AGPAT3: variants seen among roughly 807,000 people sequenced by gnomAD.
AGPAT3 encodes 1-acyl-sn-glycerol-3-phosphate acyltransferase gamma.
A neutral mutation model predicts 47.3 loss-of-function variants in AGPAT3; 5 were observed. The observed-to-expected ratio is 0.11, with a 90% CI of 0.06 to 0.22. The LOEUF (loss-of-function observed/expected upper bound fraction) is 0.22. AGPAT3 is among the 10% of genes least tolerant of loss of function. AGPAT3 has a pLI of 1.00. For synonymous variants in AGPAT3, 212 were observed against 208.3 expected, an observed-to-expected ratio of 1.02 and a Z score of -0.15; for missense variants, 315 against 493.0, an observed-to-expected ratio of 0.64 and a Z score of 3.42.
rs887013365 is a variant in AGPAT3, at chr21:43,934,854, C to T, written c.-48-24780C>T. Among the ~76,000 whole-genome samples the T allele has an allele frequency of 6.7e-6, 1 of 149,778 alleles. No individual in the cohort carries two copies. The highest frequency in any genetic ancestry group is 1.5e-5 in the Non-Finnish European group (1 of 67,506). On this transcript the variant is annotated intron_variant, in intron 2 of 9. Coordinates refer to ENST00000291572, the MANE Select transcript of AGPAT3 (RefSeq NM_020132.5). The surrounding 1 kb of genome is among the most constrained non-coding windows in gnomAD (Gnocchi z 4.7). ...CACGTCACCGACGCCACTCACATGC[C>T]ACTCACATGCCATTGACACGCCACC...
chr21:43,870,798 G>A (rs1216343201), intron 1 of AGPAT3, among the ~76,000 whole-genome samples: 1 of 152,176 alleles, frequency 6.6e-6, no homozygotes, highest in East Asian at 1.9e-4. Context: ...AAGCTATACA[G>A]GAAAATCGTA....
At chr21:43,959,928 G>A in intron 3 of AGPAT3, 69 bp downstream of exon 3, 1 of 1,475,066 alleles carries the variant, frequency 6.8e-7, no homozygotes, top group Non-Finnish European at 9.1e-7. Context: ...CCATGCACGG[G>A]GCAGCCGTGG....
At position 43,884,871 on chromosome 21, in the gene AGPAT3, C is replaced by A. The variant is rs561956777; in HGVS notation, c.-111-19086C>A. Among the ~76,000 whole-genome samples, 15 of 152,310 alleles carry A rather than the reference C, an allele frequency of 9.8e-5. No individual in the cohort carries two copies. In the South Asian group the frequency reaches 2.9e-3, roughly 29 times the overall value. ...AGCCAGGTCAGCATATTGCAAAGCA[C>A]ACGTTGGGCTGCTGCTTGTGTAATT... On this transcript the variant is annotated intron_variant, in intron 1 of 9. Coordinates refer to ENST00000291572, the MANE Select transcript of AGPAT3 (RefSeq NM_020132.5).
intron 2 of AGPAT3, among the ~76,000 whole-genome samples, chr21:43,909,534 G>A (rs991175935): frequency 6.6e-6 from 1 of 152,196 alleles, no homozygotes; most frequent in African/African-American, 2.4e-5. Flanking sequence ...CTGACCTCGT[G>A]ATCCACCTGT....
intron 2 of AGPAT3, among the ~76,000 whole-genome samples, chr21:43,935,473 CA>C (rs2087413509): frequency 6.6e-6 from 1 of 152,234 alleles, no homozygotes; most frequent in South Asian, 2.1e-4. Context: ...ACAATGTCCC[CA>C]CAGTTTTTAC....
intron 3 of AGPAT3, chr21:43,966,572 C>T (rs1011407061): frequency 3.9e-5 from 6 of 152,270 alleles, no homozygotes; most frequent in African/African-American, 1.2e-4. Flanking sequence ...CCTGCATGTG[C>T]CTGCAGCATC....
At chr21:43,977,011 C>A (rs2089643718) in intron 7 of AGPAT3, among the ~76,000 whole-genome samples, 1 of 152,218 alleles carries the variant, frequency 6.6e-6, no homozygotes, top group Admixed American at 6.5e-5. Flanking sequence ...TGTGTACTTA[C>A]TCAAATTCCA....
At chr21:43,973,085 T>A (rs2146822268) in intron 7 of AGPAT3, among the ~76,000 whole-genome samples, 1 of 152,182 alleles carries the variant, frequency 6.6e-6, no homozygotes, top group South Asian at 2.1e-4. Context: ...CTATAGGAGG[T>A]TTCCAGGAAG....
chr21:43,880,619 T>G lies in AGPAT3; in HGVS notation c.-112+15274T>G, dbSNP rs1267077472. On this transcript the variant is annotated intron_variant, in intron 1 of 9. Coordinates refer to ENST00000291572, the MANE Select transcript of AGPAT3 (RefSeq NM_020132.5). This position sits in a 1 kb window ranked among gnomAD's most constrained non-coding sequence, Gnocchi z 4.5. ...ATGGGTCACAGCTATGTCTGTGGCC[T>G]TTTGCAAATCAACTTCAAAATTTGC... 2.6e-5 allele frequency among the ~76,000 whole-genome samples: 4 copies of G among 152,232 alleles called. No individual in the cohort carries two copies. Among genetic ancestry groups the G allele is most frequent in the African/African-American group, 9.6e-5 (4 of 41,460 alleles).
rs1457550948 is a variant in AGPAT3, at chr21:43,880,882, A to G, written c.-112+15537A>G. The stretch of plus-strand genomic sequence containing the variant: ...GTGAATTGGACACGTGACAGGTGGC[A>G]ATATGTTAACTGTTCGTAGCAAGGA... On this transcript the variant is annotated intron_variant, in intron 1 of 9. Transcript: ENST00000291572. The surrounding 1 kb of genome is among the most constrained non-coding windows in gnomAD (Gnocchi z 4.5). Among the ~76,000 whole-genome samples the G allele has an allele frequency of 2.0e-5, 3 of 152,160 alleles. No homozygotes were observed. The highest frequency in any genetic ancestry group is 7.2e-5 in the African/African-American group (3 of 41,420).
intron 2 of AGPAT3, among the ~76,000 whole-genome samples, chr21:43,937,094 G>A (rs139625836): frequency 1.6e-3 from 239 of 152,254 alleles, no homozygotes; most frequent in African/African-American, 5.2e-3. Flanking sequence ...AGAACACCCC[G>A]CCTGCAAACC....
At chr21:43,940,634 G>A (rs527253437) in intron 2 of AGPAT3, among the ~76,000 whole-genome samples, 12 of 152,370 alleles carry the variant, frequency 7.9e-5, no homozygotes, top group African/African-American at 2.6e-4. Flanking sequence ...GTCCTGGGAC[G>A]GACAAGTGCC....
At chr21:43,906,729 G>A (rs1186872208) in intron 2 of AGPAT3, among the ~76,000 whole-genome samples, 1 of 152,272 alleles carries the variant, frequency 6.6e-6, no homozygotes, top group African/African-American at 2.4e-5. Flanking sequence ...CGCCGGAGCC[G>A]TGTTCATCAG....
At chr21:43,951,555 C>T (rs1056918889) in intron 2 of AGPAT3, among the ~76,000 whole-genome samples, 14 of 152,234 alleles carry the variant, frequency 9.2e-5, no homozygotes, top group Admixed American at 9.2e-4. Flanking sequence ...CCAAGGACAG[C>T]AGGTCCCATC....
In AGPAT3 at chr21:43,939,116, G is replaced by A. The variant is rs1346236228; in HGVS notation, c.-48-20518G>A. ...GGAGCATCCTGGGCAAACCCTGCTG[G>A]GGACAGGTTCGTTGTGTCTGATGCC... On this transcript the variant is annotated intron_variant, in intron 2 of 9. Transcript: ENST00000291572. The surrounding 1 kb of genome is among the most constrained non-coding windows in gnomAD (Gnocchi z 4.4). Among the ~76,000 whole-genome samples the A allele has an allele frequency of 6.6e-6, 1 of 152,174 alleles. No homozygotes were observed. The highest frequency in any genetic ancestry group is 6.5e-5 in the Admixed American group (1 of 15,288).
At chr21:43,870,054 C>T (rs536417602) in intron 1 of AGPAT3, among the ~76,000 whole-genome samples, 26 of 152,278 alleles carry the variant, frequency 1.7e-4, no homozygotes, top group African/African-American at 5.3e-4. Context: ...ACAGTAAAGA[C>T]AATCCCAACT....
At chr21:43,972,860 C>T (rs994273166) in intron 7 of AGPAT3, among the ~76,000 whole-genome samples, 3 of 152,200 alleles carry the variant, frequency 2.0e-5, no homozygotes, top group African/African-American at 4.8e-5. Flanking sequence ...CAAGTGTGTG[C>T]GGAAAGGCAG....
At chr21:43,890,536 C>T (rs1258688372) in intron 1 of AGPAT3, among the ~76,000 whole-genome samples, 3 of 151,728 alleles carry the variant, frequency 2.0e-5, no homozygotes, top group Non-Finnish European at 2.9e-5. Context: ...CCTCAGCCTC[C>T]CAAGTAGCTG....
chr21:43,961,989 G>T (rs1245492767), intron 3 of AGPAT3, among the ~76,000 whole-genome samples: 3 of 151,222 alleles, frequency 2.0e-5, no homozygotes, highest in Non-Finnish European at 2.9e-5. Context: ...TTCAGTTCCT[G>T]GTTTGTTTTT....
Sources: allele counts gnomAD v4.1 joint callset (sites outside exome capture counted in the v4.1 genomes callset), GRCh38; gene constraint gnomAD v4.1.1; non-coding constraint Gnocchi (gnomAD v3.1); transcripts MANE v1.5; gene names NCBI Gene and HGNC (gene_info 2026-07-23, HGNC 2026-07-21).